NAALADL2: variants seen among roughly 807,000 people sequenced by gnomAD.
NAALADL2 encodes N-acetylated alpha-linked acidic dipeptidase like 2.
In NAALADL2, 76 loss-of-function variants were observed where a neutral mutation model predicts 87.2. The ratio of observed to expected loss-of-function variants is 0.87; its 90% CI spans 0.72 to 1.05. The LOEUF (loss-of-function observed/expected upper bound fraction) is 1.05, where lower values mean the gene tolerates loss of function less well. NAALADL2 is among the 50% of genes least tolerant of loss of function. The pLI, the probability that NAALADL2 is intolerant of heterozygous loss-of-function variation, is 0.00. For missense variants in NAALADL2, 1,089 were observed against 945.8 expected (o/e 1.15, Z -1.99); for synonymous variants, 354 against 331.0 (o/e 1.07, Z -0.75).
chr3:175,582,238 G>T (rs1719894168), intron 10 of NAALADL2, among the ~76,000 whole-genome samples: 3 of 151,826 alleles, frequency 2.0e-5, no homozygotes, highest in Admixed American at 6.6e-5. Flanking sequence ...AAAGAAGAAT[G>T]GAGAATGGAG....
intron 1 of NAALADL2, among the ~76,000 whole-genome samples, chr3:175,054,122 G>C (rs1444881439): frequency 1.3e-5 from 2 of 152,186 alleles, no homozygotes. Flanking sequence ...ACATTCATAG[G>C]CATATTAAAA....
intron 4 of NAALADL2, among the ~76,000 whole-genome samples, chr3:175,307,918 CACA>C (rs1194770533): frequency 6.6e-6 from 1 of 152,092 alleles, no homozygotes; most frequent in Non-Finnish European, 1.5e-5. Flanking sequence ...AACCTGTTAT[CACA>C]ACATGAGCAA....
intron 2 of NAALADL2, among the ~76,000 whole-genome samples, chr3:175,102,398 G>T (rs1462124993): frequency 6.6e-6 from 1 of 152,030 alleles, no homozygotes; most frequent in African/African-American, 2.4e-5. Flanking sequence ...TGTTGATAAA[G>T]GTTTTCCCTA....
At chr3:174,461,371 A>G (rs1716204527) in intron 1 of NAALADL2, among the ~76,000 whole-genome samples, 1 of 152,102 alleles carries the variant, frequency 6.6e-6, no homozygotes, top group Non-Finnish European at 1.5e-5. Flanking sequence ...TCTAGATTTA[A>G]TAATCATATT....
chr3:174,747,132 T>C (rs1378474948), intron 3 of NAALADL2, among the ~76,000 whole-genome samples: 1 of 151,792 alleles, frequency 6.6e-6, no homozygotes, highest in African/African-American at 2.4e-5. Context: ...ATCATCAGAG[T>C]GAAGAAAAAA....
chr3:175,350,484 C>T (rs1368657152), intron 5 of NAALADL2, among the ~76,000 whole-genome samples: 1 of 152,080 alleles, frequency 6.6e-6, no homozygotes. Flanking sequence ...AAACATGTTT[C>T]AAAGGACTCA....
intron 11 of NAALADL2, among the ~76,000 whole-genome samples, chr3:175,652,204 G>A (rs1029331674): frequency 7.2e-5 from 11 of 152,138 alleles, no homozygotes; most frequent in Non-Finnish European, 1.2e-4. Context: ...AAGCAATAAA[G>A]CATAGATCTC....
chr3:174,828,066 C>T (rs541169828), intron 3 of NAALADL2, among the ~76,000 whole-genome samples: 2 of 152,192 alleles, frequency 1.3e-5, no homozygotes, highest in East Asian at 3.9e-4. Flanking sequence ...CCTGTAGTCC[C>T]CAGCTACTTG....
At chr3:175,457,520 C>A (rs563482025) in intron 6 of NAALADL2, among the ~76,000 whole-genome samples, 1 of 151,930 alleles carries the variant, frequency 6.6e-6, no homozygotes, top group Non-Finnish European at 1.5e-5. Context: ...GGTGACTTTC[C>A]AACTTCCTTT....
intron 11 of NAALADL2, among the ~76,000 whole-genome samples, chr3:175,663,075 G>T (rs1338686376): frequency 1.3e-5 from 2 of 151,818 alleles, no homozygotes; most frequent in Non-Finnish European, 3.0e-5. Context: ...ACTTTGGGTA[G>T]AATTGGTATT....
chr3:174,798,924 C>G (rs938911226), intron 3 of NAALADL2, among the ~76,000 whole-genome samples: 1 of 151,972 alleles, frequency 6.6e-6, no homozygotes, highest in African/African-American at 2.4e-5. Flanking sequence ...AATCCTAGAA[C>G]TTTGGGAGGC....
chr3:174,764,336 A>C lies in NAALADL2; in HGVS notation c.-9+26590A>C, dbSNP rs568995549. ...CCTTTCTTGGGACTTAAACAGCAAA[A>C]GGTGCCGGGTGCAGTGGCTTATGCC... On this transcript the variant is annotated intron_variant, in intron 3 of 3. Transcript: ENST00000434257. 3.8e-4 allele frequency among the ~76,000 whole-genome samples: 58 copies of C among 152,294 alleles called. No homozygotes were observed. In the South Asian group the frequency reaches 0.012, roughly 31 times the overall value.
At chr3:175,628,210 A>G (rs1441836951) in intron 11 of NAALADL2, among the ~76,000 whole-genome samples, 1 of 151,694 alleles carries the variant, frequency 6.6e-6, no homozygotes, top group Non-Finnish European at 1.5e-5. Flanking sequence ...ATTACATGAG[A>G]CATTCAAGAC....
chr3:174,469,521 T>C (rs1262571008), intron 1 of NAALADL2, among the ~76,000 whole-genome samples: 1 of 151,870 alleles, frequency 6.6e-6, no homozygotes. Context: ...CTCTGCCTCC[T>C]GGGTTCACGC....
At chr3:174,495,801 T>C (rs777444204) in intron 1 of NAALADL2, among the ~76,000 whole-genome samples, 10 of 151,756 alleles carry the variant, frequency 6.6e-5, no homozygotes, top group Non-Finnish European at 1.2e-4. Flanking sequence ...TACTTCTAAT[T>C]TAGTACTATT....
chr3:175,742,807 GA>G (rs2150101118), intron 12 of NAALADL2, among the ~76,000 whole-genome samples: 1 of 152,264 alleles, frequency 6.6e-6, no homozygotes. Context: ...TCAGAAGTAT[GA>G]TTAGAAGACA....
intron 2 of NAALADL2, among the ~76,000 whole-genome samples, chr3:175,105,583 CAT>C (rs1192979975): frequency 7.4e-5 from 11 of 149,294 alleles, no homozygotes; most frequent in Non-Finnish European, 1.6e-4. Flanking sequence ...TACACACACA[CAT>C]ACACAAATCC....
intron 9 of NAALADL2, among the ~76,000 whole-genome samples, chr3:175,523,204 G>A (rs1423303510): frequency 6.6e-6 from 1 of 152,222 alleles, no homozygotes; most frequent in Non-Finnish European, 1.5e-5. Flanking sequence ...ATTTTATTTA[G>A]TTGTAATAAC....
At chr3:175,326,992 A>G (rs1760791565) in intron 5 of NAALADL2, among the ~76,000 whole-genome samples, 2 of 152,280 alleles carry the variant, frequency 1.3e-5, no homozygotes, top group East Asian at 3.9e-4. Flanking sequence ...TGTTTTATTT[A>G]CCAATTTAAG....
Sources: gnomAD v4.1 joint callset for allele counts (sites outside exome capture counted in the v4.1 genomes callset) on GRCh38, gnomAD v4.1.1 for gene constraint, MANE v1.5 for transcripts, NCBI Gene and HGNC (gene_info 2026-07-23, HGNC 2026-07-21) for gene names.